Variants in ESRRG observed in about 807,000 individuals in gnomAD.
ESRRG encodes the protein estrogen related receptor gamma.
A neutral mutation model predicts 44.0 loss-of-function variants in ESRRG; 13 were observed. The ratio of observed to expected loss-of-function variants is 0.30; its 90% CI spans 0.19 to 0.47. The LOEUF is 0.47. ESRRG is among the 20% of genes least tolerant of loss of function. The pLI, the probability that ESRRG is intolerant of heterozygous loss-of-function variation, is 1.00. For synonymous variants in ESRRG, 215 were observed against 214.6 expected, an observed-to-expected ratio of 1.00 and a Z score of -0.02; for missense variants, 395 against 580.6, an observed-to-expected ratio of 0.68 and a Z score of 3.29.
intron 3 of ESRRG, among the ~76,000 whole-genome samples, chr1:216,622,751 A>G (rs1206582921): frequency 1.3e-5 from 2 of 152,212 alleles, no homozygotes; most frequent in Non-Finnish European, 2.9e-5. Flanking sequence ...GAAGAAATTT[A>G]GATGCGTATC....
At chr1:216,539,385 C>T (rs1336117356) in intron 5 of ESRRG, among the ~76,000 whole-genome samples, 1 of 151,832 alleles carries the variant, frequency 6.6e-6, no homozygotes, top group Non-Finnish European at 1.5e-5. Context: ...CTTAGTATGG[C>T]CATTAACACA....
chr1:216,795,293 T>G (rs553127377), intron 2 of ESRRG, among the ~76,000 whole-genome samples: 7 of 151,726 alleles, frequency 4.6e-5, no homozygotes, highest in East Asian at 3.9e-4. Context: ...AGATGAAAAA[T>G]ACATTAAATT....
chr1:216,751,087 C>G (rs990431981), intron 2 of ESRRG, among the ~76,000 whole-genome samples: 1 of 152,100 alleles, frequency 6.6e-6, no homozygotes, highest in African/African-American at 2.4e-5. Flanking sequence ...TTATTTCTCA[C>G]CCTGGAGTTG....
chr1:217,111,039 A>G (rs1323519780), intron 1 of ESRRG, among the ~76,000 whole-genome samples: 2 of 152,208 alleles, frequency 1.3e-5, no homozygotes, highest in African/African-American at 4.8e-5. Context: ...GTGTTCCAGA[A>G]GAGTCTTCAT....
rs71303007 is a variant in ESRRG at position 217,053,133 on chromosome 1, T to TAAAAAAAAAAAAAAAAAAA, written c.-106+36355_-106+36373dup. 2.6e-3 allele frequency among the ~76,000 whole-genome samples: 312 copies of TAAAAAAAAAAAAAAAAAAA among 118,948 alleles called. 1 individual carries two copies. Among genetic ancestry groups the TAAAAAAAAAAAAAAAAAAA allele is most frequent in the South Asian group, 3.3e-3 (11 of 3,326 alleles). The allele number at this position is 118,948 out of a possible 152,430, so 78.0% of individuals were successfully genotyped here. ...GAGGTAACATAGCAAAATCCCATCT[T>TAAAAAAAAAAAAAAAAAAA]AAAAAAAAAAAAAAAAAAAACAGAA... is the stretch of plus-strand genomic sequence containing the variant. On this transcript the variant is annotated intron_variant, in intron 1 of 7. Transcript: ENST00000359162.
At chr1:216,675,947 G>A (rs2076034448) in intron 2 of ESRRG, among the ~76,000 whole-genome samples, 1 of 152,128 alleles carries the variant, frequency 6.6e-6, no homozygotes, top group African/African-American at 2.4e-5. Context: ...CCTGACATCA[G>A]CATGTTTTTT....
chr1:216,710,774 G>A (rs1249603715), intron 1 of ESRRG, among the ~76,000 whole-genome samples: 2 of 151,322 alleles, frequency 1.3e-5, no homozygotes, highest in Non-Finnish European at 2.9e-5. Context: ...TCTTCCCACC[G>A]CCCCCACCCC....
At chr1:216,957,320 T>C (rs1346166548) in intron 1 of ESRRG, among the ~76,000 whole-genome samples, 1 of 152,214 alleles carries the variant, frequency 6.6e-6, no homozygotes, top group South Asian at 2.1e-4. Context: ...CCCACATTTA[T>C]AACCTTAGCC....
chr1:216,993,402 T>C (rs2818766), intron 1 of ESRRG, among the ~76,000 whole-genome samples: 130,352 of 152,214 alleles, frequency 0.86, 56,009 homozygotes, highest in East Asian at 1. Flanking sequence ...TGAGCAAAAT[T>C]CACACATATT....
intron 1 of ESRRG, among the ~76,000 whole-genome samples, chr1:217,115,808 C>T (rs904577158): frequency 6.6e-6 from 1 of 152,048 alleles, no homozygotes; most frequent in African/African-American, 2.4e-5. Flanking sequence ...GTCGATCTAC[C>T]TACTCATATT....
chr1:216,609,110 C>T (rs1558788925), intron 3 of ESRRG, among the ~76,000 whole-genome samples: 1 of 152,060 alleles, frequency 6.6e-6, no homozygotes, highest in Non-Finnish European at 1.5e-5. Context: ...TGTGTAGAAC[C>T]TTAGATGTTC....
At chr1:216,757,325 T>C (rs1367561048) in intron 2 of ESRRG, among the ~76,000 whole-genome samples, 1 of 152,070 alleles carries the variant, frequency 6.6e-6, no homozygotes, top group East Asian at 1.9e-4. Flanking sequence ...CTACTTAGAA[T>C]GTCTTTCATG....
At chr1:216,906,424 C>T (rs2059691298) in intron 2 of ESRRG, among the ~76,000 whole-genome samples, 1 of 152,106 alleles carries the variant, frequency 6.6e-6, no homozygotes, top group Non-Finnish European at 1.5e-5. Context: ...CACAATCCTC[C>T]AGCATCTACC....
chr1:216,675,564 A>G (rs1405218502), intron 2 of ESRRG, among the ~76,000 whole-genome samples: 1 of 152,212 alleles, frequency 6.6e-6, no homozygotes, highest in Non-Finnish European at 1.5e-5. Flanking sequence ...GGGCCATTAG[A>G]TGATGATGGT....
intron 5 of ESRRG, among the ~76,000 whole-genome samples, chr1:216,531,194 G>A (rs908160450): frequency 2.0e-5 from 3 of 152,066 alleles, no homozygotes; most frequent in African/African-American, 4.8e-5. Context: ...TGCTGACCCT[G>A]AAACTCCACA....
chr1:216,590,303 T>C (rs970922867), intron 3 of ESRRG, among the ~76,000 whole-genome samples: 3 of 152,134 alleles, frequency 2.0e-5, no homozygotes, highest in African/African-American at 7.2e-5. Context: ...AGATTCGTGG[T>C]ATGGAACTGG....
intron 2 of ESRRG, among the ~76,000 whole-genome samples, chr1:216,792,838 A>G (rs1350006580): frequency 6.6e-6 from 1 of 152,112 alleles, no homozygotes; most frequent in African/African-American, 2.4e-5. Context: ...GGAGCCATGG[A>G]GGGGACTCAT....
chr1:216,686,048 T>C (rs994445464), intron 1 of ESRRG: 1 of 152,186 alleles, frequency 6.6e-6, no homozygotes, highest in African/African-American at 2.4e-5. Flanking sequence ...ACCCCATCTG[T>C]TGGGTAGCAG....
In ESRRG at chr1:216,987,193, C is replaced by T. The variant is rs371713154; in HGVS notation, c.-105-47520G>A. Among the ~76,000 whole-genome samples the T allele has an allele frequency of 8.5e-5, 13 of 152,264 alleles. No homozygotes were observed. The East Asian group carries it at 2.5e-3, about 29-fold the overall frequency. ...TAAAATTTGTCATGATTTTCTTTCC[C>T]ATTCTGAACAAATATTCACTTTTGC... On this transcript the variant is annotated intron_variant, in intron 1 of 7. Transcript: ENST00000359162.
Sources: gnomAD v4.1 joint callset for allele counts (sites outside exome capture counted in the v4.1 genomes callset) on GRCh38, gnomAD v4.1.1 for gene constraint, MANE v1.5 for transcripts, NCBI Gene and HGNC (gene_info 2026-07-23, HGNC 2026-07-21) for gene names.